Variants in FAM186A observed in about 807,000 individuals in gnomAD.
FAM186A encodes family with sequence similarity 186 member A, also known as protein FAM186A.
A neutral mutation model predicts 216.8 loss-of-function variants in FAM186A; 163 were observed. That is an observed-to-expected ratio of 0.75 (90% CI 0.66 to 0.86). The LOEUF is 0.86. Among genes scored for constraint, FAM186A ranks in the 40% least tolerant of loss-of-function variants. The pLI is 0.00. For synonymous variants in FAM186A, 805 were observed against 1,025.3 expected (o/e 0.79, Z 4.10); for missense variants, 2,184 against 2,746.2 (o/e 0.80, Z 4.58).
chr12:50,346,237 A>AAAGAAAGAAAGAAAGAGAAAG lies in FAM186A; in HGVS notation c.6503+4091_6503+4092insCTTTCTCTTTCTTTCTTTCTT, dbSNP rs1383898895. ...AGAGAGAAGGAAAGAAAGAAAGAAA[A>AAAGAAAGAAAGAAAGAGAAAG]AAAGAAAGAAAGAAAGAAAGAAAGA... On this transcript the variant is annotated intron_variant, in intron 4 of 7. Coordinates refer to ENST00000327337, the MANE Select transcript of FAM186A (RefSeq NM_001145475.3). Among the ~76,000 whole-genome samples the AAAGAAAGAAAGAAAGAGAAAG allele has an allele frequency of 4.9e-5, 5 of 102,182 alleles. 1 individual carries two copies. Among genetic ancestry groups the AAAGAAAGAAAGAAAGAGAAAG allele is most frequent in the African/African-American group, 1.7e-4 (5 of 29,604 alleles). The allele number at this position is 102,182 out of a possible 152,430, so 67.0% of individuals were successfully genotyped here.
intron 4 of FAM186A, among the ~76,000 whole-genome samples, chr12:50,343,217 GA>G: frequency 6.6e-6 from 1 of 151,856 alleles, no homozygotes; most frequent in Middle Eastern, 3.4e-3. Flanking sequence ...CCTATCTCAG[GA>G]AAAAAGAAAG....
chr12:50,328,339 A>C (rs1459029659), intron 7 of FAM186A, among the ~76,000 whole-genome samples: 1 of 152,118 alleles, frequency 6.6e-6, no homozygotes, highest in Non-Finnish European at 1.5e-5. Context: ...GTGCCACTGC[A>C]CTCTAGCCTG....
chr12:50,389,853 G>A lies in FAM186A; in HGVS notation c.192+6440C>T, dbSNP rs890812879. 5.3e-5 allele frequency among the ~76,000 whole-genome samples: 8 copies of A among 152,168 alleles called. 1 individual carries two copies. The highest frequency in any genetic ancestry group is 1.2e-4 in the Non-Finnish European group (8 of 68,044). On this transcript the variant is annotated intron_variant, in intron 1 of 7. Coordinates refer to ENST00000327337, the MANE Select transcript of FAM186A (RefSeq NM_001145475.3). ...AAACAGGAAAGTTGAATGAGGATAT[G>A]GTAGAAATCACCACTAAGGAATCTT...
chr12:50,380,573 G>A (rs1026233940), intron 1 of FAM186A, among the ~76,000 whole-genome samples: 6 of 148,358 alleles, frequency 4.0e-5, no homozygotes, highest in African/African-American at 1.5e-4. Flanking sequence ...GTGCATGCCT[G>A]TAATCCCAGC....
intron 1 of FAM186A, chr12:50,365,811 G>T: frequency 1.3e-6 from 1 of 758,190 alleles, no homozygotes; most frequent in Non-Finnish European, 2.4e-6. Flanking sequence ...AAAGAATGAT[G>T]AAGTTCAGGT....
chr12:50,376,958 A>C (rs1184579373), intron 1 of FAM186A, among the ~76,000 whole-genome samples: 2 of 151,826 alleles, frequency 1.3e-5, no homozygotes, highest in African/African-American at 4.8e-5. Flanking sequence ...TGTGTTGCTC[A>C]AGCTGGTCTG....
chr12:50,356,508 C>T (rs925158751), intron 3 of FAM186A, among the ~76,000 whole-genome samples: 1 of 152,068 alleles, frequency 6.6e-6, no homozygotes, highest in African/African-American at 2.4e-5. Flanking sequence ...AGTGCAGTGG[C>T]ACGATTACTG....
intron 1 of FAM186A, among the ~76,000 whole-genome samples, chr12:50,385,691 A>T (rs1489918410): frequency 1.3e-5 from 2 of 152,032 alleles, no homozygotes; most frequent in Non-Finnish European, 2.9e-5. Flanking sequence ...ACGAGGTCTC[A>T]GGAGATCTAG....
chr12:50,380,344 G>A (rs1943242126), intron 1 of FAM186A, among the ~76,000 whole-genome samples: 1 of 151,872 alleles, frequency 6.6e-6, no homozygotes, highest in East Asian at 1.9e-4. Context: ...CATTATGTGT[G>A]TACTGGAAAT....
chr12:50,327,387 T>C lies in FAM186A; in HGVS notation c.7052A>G (p.Lys2351Arg), dbSNP rs978715630. Residue 2351 changes from lysine to arginine, a missense_variant, in exon 8 of 8, where the codon AAA becomes AGA. This residue lies in a region of FAM186A where 721 missense variants were observed against 816.4 expected (regional missense o/e 0.88). Transcript: ENST00000327337. The stretch of plus-strand genomic sequence containing the variant: ...TGCTTGTATTTAATTTTACAGTCAT[T>C]TGGGAATCTTCTTAACCCTGGAAAT... ...SLQSRVKKIP[K>R] 3.2e-6 allele frequency: 5 copies of C among 1,547,586 alleles called. No individual in the cohort carries two copies. The highest frequency in any genetic ancestry group is 4.4e-6 in the Non-Finnish European group (5 of 1,144,194).
At chr12:50,373,035 GAAAGAAAGA>G (rs1943161337) in intron 1 of FAM186A, among the ~76,000 whole-genome samples, 2 of 147,228 alleles carry the variant, frequency 1.4e-5, no homozygotes, top group Admixed American at 1.4e-4. Context: ...AAGAAAGAAA[GAAAGAAAGA>G]AAGAAAGAAA....
At chr12:50,379,786 C>CA (rs543793392) in intron 1 of FAM186A, among the ~76,000 whole-genome samples, 2,472 of 137,632 alleles carry the variant, frequency 0.018, 26 homozygotes, top group Non-Finnish European at 0.027. Flanking sequence ...AACTCCATCT[C>CA]AAAAAAAAAA....
At chr12:50,358,155 T>TA (rs567418760) in intron 3 of FAM186A, among the ~76,000 whole-genome samples, 4 of 151,360 alleles carry the variant, frequency 2.6e-5, no homozygotes, top group Non-Finnish European at 4.4e-5. Flanking sequence ...TCATGATTCA[T>TA]AAAAAAAAAT....
Position 50,354,486 on chromosome 12 carries a change from C to G in FAM186A, c.2346G>C (p.Glu782Asp), listed in dbSNP as rs1041614753. 14 of 1,551,630 alleles carry G rather than the reference C, an allele frequency of 9.0e-6. No individual in the cohort carries two copies. The highest frequency in any genetic ancestry group is 1.1e-5 in the Non-Finnish European group (13 of 1,147,002). ...AATTGTTAATTACTGGATCTGTGCT[C>G]TCATATGAGAGGAGGGTACTGCTTT... ...KSESSTLLSY[E>D]STDPVINNLI... The change falls in exon 4 of 8, where the codon GAG becomes GAC. Residue 782 changes from glutamate (E) to aspartate (D), a missense_variant. By Grantham distance (45) the Glu-to-Asp change is conservative (BLOSUM62 2). Coordinates refer to ENST00000327337, the MANE Select transcript of FAM186A (RefSeq NM_001145475.3).
Position 50,327,411 on chromosome 12 carries a change from A to G in FAM186A, c.7035-7T>C, listed in dbSNP as rs1264826866. ...TTTGGGAATCTTCTTAACCCTGGAA[A>G]TGAGACAAGAAAATTAACCTCATTA... On this transcript the variant is annotated splice_region_variant and splice_polypyrimidine_tract_variant and intron_variant, in intron 7 of 7. Coordinates refer to ENST00000327337, the MANE Select transcript of FAM186A (RefSeq NM_001145475.3). 1 of 1,545,956 alleles carries G rather than the reference A, an allele frequency of 6.5e-7. No individual in the cohort carries two copies. The highest frequency in any genetic ancestry group is 1.2e-5 in the South Asian group (1 of 83,636).
intron 2 of FAM186A, among the ~76,000 whole-genome samples, 193 bp downstream of exon 2, chr12:50,362,952 T>G (rs996819600): frequency 2.0e-5 from 3 of 152,182 alleles, no homozygotes; most frequent in Non-Finnish European, 4.4e-5. Context: ...GAGGCCAGCA[T>G]AGCTGGCACT....
Position 50,355,377 on chromosome 12 carries a change from G to A in FAM186A, c.1455C>T (p.Val485=), listed in dbSNP as rs914756519. Residue 485 remains valine (V), a synonymous_variant, in exon 4 of 8, where the codon GTC becomes GTT. Coordinates refer to ENST00000327337, the MANE Select transcript of FAM186A (RefSeq NM_001145475.3). ...NLSDNKSGQK[V]SEAKPSQYYE... The stretch of plus-strand genomic sequence containing the variant: ...AGTATTGACTAGGTTTGGCCTCTGA[G>A]ACTTTCTGTCCACTTTTATTATCAC... The A allele has an allele frequency of 6.4e-7, 1 of 1,551,214 alleles. No individual in the cohort carries two copies. Among genetic ancestry groups the A allele is most frequent in the African/African-American group, 1.4e-5 (1 of 73,020 alleles).
Position 50,363,314 on chromosome 12 carries a change from C to T in FAM186A, c.243G>A (p.Met81Ile), listed in dbSNP as rs1291963710. 2 of 1,551,298 alleles carry T rather than the reference C, an allele frequency of 1.3e-6. No individual in the cohort carries two copies. The highest frequency in any genetic ancestry group is 1.4e-5 in the African/African-American group (1 of 73,040). ...SEIMNNVHRI[M>I]TRYTLVFNSS... The stretch of plus-strand genomic sequence containing the variant: ...AGTTAAAAACAAGAGTATAGCGAGT[C>T]ATTATCCGATGCACATTGTTCATTA... The change falls in exon 2 of 8, where the codon ATG (methionine) becomes ATA (isoleucine). Residue 81 changes from methionine to isoleucine, a missense_variant. Transcript: ENST00000327337.
At chr12:50,374,315 G>A (rs1943177474) in intron 1 of FAM186A, among the ~76,000 whole-genome samples, 2 of 148,316 alleles carry the variant, frequency 1.3e-5, no homozygotes, top group South Asian at 2.1e-4. Flanking sequence ...AATAAAGAAA[G>A]AAAGAAAGAA....
Sources: gnomAD v4.1 joint callset for allele counts (sites outside exome capture counted in the v4.1 genomes callset) on GRCh38, gnomAD v4.1.1 for gene constraint, gnomAD v4.1.1 regional missense constraint, MANE v1.5 for transcripts, NCBI Gene and HGNC (gene_info 2026-07-23, HGNC 2026-07-21) for gene names.